NID1: variants seen among roughly 807,000 people sequenced by gnomAD.
NID1 encodes the protein nidogen 1.
In NID1, 76 loss-of-function variants were observed where a neutral mutation model predicts 130.6. The ratio of observed to expected loss-of-function variants is 0.58; its 90% CI spans 0.48 to 0.70. The LOEUF is 0.70. NID1 is among the 30% of genes least tolerant of loss of function. NID1 has a pLI of 0.00. For missense variants in NID1, 1,517 were observed against 1,664.8 expected (o/e 0.91, Z 1.54); for synonymous variants, 665 against 675.1 (o/e 0.98, Z 0.23).
At chr1:236,033,076 G>A (rs1430748386) in intron 5 of NID1, among the ~76,000 whole-genome samples, 2 of 152,242 alleles carry the variant, frequency 1.3e-5, no homozygotes, top group Non-Finnish European at 2.9e-5. Flanking sequence ...GGGAGGCCGA[G>A]GCAGGCAGAT....
intron 3 of NID1, among the ~76,000 whole-genome samples, chr1:236,044,246 G>T (rs911021255): frequency 2.7e-4 from 41 of 152,118 alleles, no homozygotes; most frequent in Non-Finnish European, 3.4e-4. Context: ...GGCTGTTAAA[G>T]TTTTAGGAAT....
rs76146615 is a variant in NID1 at position 235,986,786 on chromosome 1, C to G, written c.2929-1281G>C. On this transcript the variant is annotated intron_variant, in intron 14 of 19. Coordinates refer to ENST00000264187, the MANE Select transcript of NID1 (RefSeq NM_002508.3). ...CAAGGCTGTGCACTTTTAAGATATT[C>G]ACTCTCTTAAACCATCACAACCAAA... 3.9e-3 allele frequency among the ~76,000 whole-genome samples: 597 copies of G among 152,300 alleles called. 2 individuals carry two copies. The highest frequency in any genetic ancestry group is 6.8e-3 in the Middle Eastern group (2 of 294).
chr1:236,012,578 A>AAAAAAAAAAAAAAAG (rs1553343926), intron 11 of NID1, among the ~76,000 whole-genome samples: 1 of 99,546 alleles, frequency 1.0e-5, no homozygotes, highest in African/African-American at 4.4e-5. Context: ...AAAAAAAAAA[A>AAAAAAAAAAAAAAAG]AAAGAAAGAA....
intron 19 of NID1, 141 bp downstream of exon 19, chr1:235,978,854 G>A: frequency 1.6e-6 from 1 of 616,118 alleles, no homozygotes. Context: ...ACCTGCTAAT[G>A]AAGACCCTGG....
chr1:236,016,352 A>G (rs2102819392), intron 10 of NID1, among the ~76,000 whole-genome samples: 2 of 152,282 alleles, frequency 1.3e-5, no homozygotes, highest in Middle Eastern at 6.8e-3. Context: ...AAAAGAAAAC[A>G]TTCTAGGGTT....
chr1:236,014,910 C>T (rs187473381), intron 10 of NID1, among the ~76,000 whole-genome samples: 24 of 152,318 alleles, frequency 1.6e-4, no homozygotes, highest in South Asian at 4.1e-4. Flanking sequence ...ACATGTTTTG[C>T]ACATTTCAAT....
Position 236,041,896 on chromosome 1 carries a change from T to C in NID1, c.1135+14A>G, listed in dbSNP as rs1356571813. 3 of 1,590,002 alleles carry C rather than the reference T, an allele frequency of 1.9e-6. No homozygotes were observed. Among genetic ancestry groups the C allele is most frequent in the Non-Finnish European group, 2.6e-6 (3 of 1,165,850 alleles). On this transcript the variant is annotated intron_variant, in intron 4 of 19. Transcript: ENST00000264187. Reference sequence around the variant, plus strand: ...ATCCAAGATCGTTACCAACTGCAACTTAAATGGTCTTACCAACTCCTGTTT... The same window carrying C: ...ATCCAAGATCGTTACCAACTGCAACCTAAATGGTCTTACCAACTCCTGTTT...
At chr1:236,010,691 C>T (rs575507632) in intron 12 of NID1, among the ~76,000 whole-genome samples, 3 of 152,218 alleles carry the variant, frequency 2.0e-5, no homozygotes, top group African/African-American at 7.2e-5. Flanking sequence ...ATAGACTATA[C>T]ATAAGCATGG....
intron 10 of NID1, 35 bp downstream of exon 10, chr1:236,017,113 G>C (rs1658616351): frequency 6.8e-6 from 11 of 1,613,438 alleles, no homozygotes; most frequent in Non-Finnish European, 8.5e-6. Flanking sequence ...CACACCATGT[G>C]AATACTGTTT....
chr1:236,032,548 T>C lies in NID1; in HGVS notation c.1390A>G (p.Met464Val), dbSNP rs1239733994. Reference protein sequence around the residue: ...ENTDLHSYVVMNHGRSYTAIS... With the variant: ...ENTDLHSYVVVNHGRSYTAIS... Reference sequence around the variant, plus strand: ...GCTGTGTAGGAGCGCCCGTGGTTCATTACTACGTAAGAGTGGAGGTCAGTG... The same window carrying C: ...GCTGTGTAGGAGCGCCCGTGGTTCACTACTACGTAAGAGTGGAGGTCAGTG... Residue 464 changes from methionine (M) to valine (V), a missense_variant, in exon 6 of 20, where the codon ATG (methionine) becomes GTG (valine). Around this residue, in one of 3 missense-constraint regions of NID1, gnomAD observed 1,329 missense variants for 1,429.2 expected, o/e 0.93. Coordinates refer to ENST00000264187, the MANE Select transcript of NID1 (RefSeq NM_002508.3). 6.2e-7 allele frequency: 1 copy of C among 1,614,128 alleles called. No individual in the cohort carries two copies. Among genetic ancestry groups the C allele is most frequent in the Admixed American group, 1.7e-5 (1 of 60,012 alleles).
In NID1 at chr1:236,048,902, C is replaced by T. The variant is rs752777849; in HGVS notation, c.313G>A (p.Ala105Thr). 57 of 1,613,904 alleles carry T rather than the reference C, an allele frequency of 3.5e-5. No homozygotes were observed. The highest frequency in any genetic ancestry group is 4.4e-5 in the Non-Finnish European group (52 of 1,179,964). ...GLFPPTFGAV[A>T]PFLADLDTTD... is the part of the protein sequence containing the mutation. ...GTGTCCAAGTCCGCCAGGAAAGGGG[C>T]GACTGCACCGAATGTTGGTGGGAAG... Residue 105 changes from alanine to threonine, a missense_variant, in exon 2 of 20, where the codon GCC (alanine) becomes ACC (threonine). By Grantham distance (58) the Ala-to-Thr change is moderately conservative (BLOSUM62 0). Around this residue, in one of 3 missense-constraint regions of NID1, gnomAD observed 1,329 missense variants for 1,429.2 expected, o/e 0.93. Coordinates refer to ENST00000264187, the MANE Select transcript of NID1 (RefSeq NM_002508.3).
chr1:236,026,266 A>G, intron 7 of NID1, 125 bp from the exon 8 acceptor site: 7 of 1,205,790 alleles, frequency 5.8e-6, no homozygotes, highest in Non-Finnish European at 8.2e-6. Context: ...AGGCTACCAG[A>G]TGACAGACCA....
intron 5 of NID1, among the ~76,000 whole-genome samples, chr1:236,034,422 C>CAA (rs144657585): frequency 0.38 from 34,955 of 92,174 alleles, 5,299 homozygotes; most frequent in East Asian, 0.53. Context: ...AACTCCATCT[C>CAA]AAAAAAAAAA....
At chr1:236,049,071 T>C in intron 1 of NID1, 82 bp from the exon 2 acceptor site, 1 of 1,387,992 alleles carries the variant, frequency 7.2e-7, no homozygotes, top group Non-Finnish European at 1.0e-6. Context: ...CCTAGAATAC[T>C]GTCAGCTGTA....
rs561011049 is a variant in NID1, at chr1:236,012,133, T to A, written c.2405-90A>T. The A allele has an allele frequency of 3.3e-6, 5 of 1,501,386 alleles. No homozygotes were observed. The East Asian group carries it at 1.2e-4, about 35-fold the overall frequency. The allele number at this position is 1,501,386 out of a possible 1,614,324, so 93.0% of individuals were successfully genotyped here. A position where few individuals can be genotyped will look rare whatever the true frequency, so the allele number is the denominator to read the frequency against. The stretch of plus-strand genomic sequence containing the variant: ...AATTTAAGCCACTTACTCAAATCTA[T>A]GGGAACCTGCTTCTGATCTGGGAAC... On this transcript the variant is annotated intron_variant, in intron 11 of 19. Coordinates refer to ENST00000264187, the MANE Select transcript of NID1 (RefSeq NM_002508.3).
intron 16 of NID1, 88 bp downstream of exon 16, chr1:235,981,523 A>G (rs1188138743): frequency 2.1e-6 from 3 of 1,404,476 alleles, no homozygotes; most frequent in Non-Finnish European, 2.9e-6. Context: ...CAGGAGACCA[A>G]TGCTGGAGTT....
At chr1:236,007,735 C>T (rs920537123) in intron 12 of NID1, among the ~76,000 whole-genome samples, 4 of 152,102 alleles carry the variant, frequency 2.6e-5, no homozygotes, top group African/African-American at 9.7e-5. Flanking sequence ...TCTTTGCCAT[C>T]ACAGAAGACC....
At chr1:236,006,888 A>T (rs1240505791) in intron 12 of NID1, among the ~76,000 whole-genome samples, 1 of 152,294 alleles carries the variant, frequency 6.6e-6, no homozygotes, top group East Asian at 1.9e-4. Context: ...AAAAAAATGG[A>T]AGATGAGAGA....
At chr1:235,981,842 T>G in intron 15 of NID1, 60 bp from the exon 16 acceptor site, 4 of 1,410,034 alleles carry the variant, frequency 2.8e-6, no homozygotes, top group Non-Finnish European at 2.9e-6. Flanking sequence ...TGAGATGAGG[T>G]TTTTCTGAAT....
Sources: gnomAD v4.1 joint callset for allele counts (sites outside exome capture counted in the v4.1 genomes callset) on GRCh38, gnomAD v4.1.1 for gene constraint, gnomAD v4.1.1 regional missense constraint, MANE v1.5 for transcripts, NCBI Gene and HGNC (gene_info 2026-07-23, HGNC 2026-07-21) for gene names.